The following DCLK1 variants were observed in gnomAD, a reference collection of about 807,000 sequenced individuals.
DCLK1 encodes serine/threonine-protein kinase DCLK1.
In DCLK1, 16 loss-of-function variants were observed where a neutral mutation model predicts 86.2. That is an observed-to-expected ratio of 0.19 (90% CI 0.13 to 0.28). The LOEUF (loss-of-function observed/expected upper bound fraction) is 0.28, where lower values mean the gene tolerates loss of function less well. Among genes scored for constraint, DCLK1 ranks in the 10% least tolerant of loss-of-function variants. DCLK1 has a pLI of 1.00. For missense variants in DCLK1, 590 were observed against 940.2 expected, an observed-to-expected ratio of 0.63 and a Z score of 4.87; for synonymous variants, 369 against 370.5, an observed-to-expected ratio of 1.00 and a Z score of 0.05.
chr13:36,077,166 G>T (rs1411166228), intron 3 of DCLK1, among the ~76,000 whole-genome samples: 1 of 152,106 alleles, frequency 6.6e-6, no homozygotes, highest in South Asian at 2.1e-4. Context: ...TTTTACAAAT[G>T]GATACACCAA....
chr13:35,849,434 C>G, intron 6 of DCLK1: 1 of 985,088 alleles, frequency 1.0e-6, no homozygotes, highest in Non-Finnish European at 1.2e-6. Flanking sequence ...ATATGTCAAG[C>G]CTGGAGAATA....
At chr13:36,024,084 C>T (rs1046584171) in intron 3 of DCLK1, among the ~76,000 whole-genome samples, 2 of 151,352 alleles carry the variant, frequency 1.3e-5, no homozygotes, top group African/African-American at 4.9e-5. Context: ...TTAGTAGAGG[C>T]GGGGTTTCAC....
At chr13:35,864,409 C>CA (rs1440344344) in intron 5 of DCLK1, among the ~76,000 whole-genome samples, 1 of 120,250 alleles carries the variant, frequency 8.3e-6, no homozygotes, top group East Asian at 2.3e-4. Context: ...ACTAAAAATA[C>CA]AAAAAATTAG....
chr13:35,914,290 G>C (rs1002627749), intron 4 of DCLK1, among the ~76,000 whole-genome samples: 1 of 145,028 alleles, frequency 6.9e-6, no homozygotes, highest in Non-Finnish European at 1.5e-5. Flanking sequence ...CTGCACTCCA[G>C]CCTGGGCAAC....
intron 3 of DCLK1, among the ~76,000 whole-genome samples, chr13:36,074,706 G>A (rs1884120032): frequency 6.6e-6 from 1 of 152,160 alleles, no homozygotes; most frequent in Non-Finnish European, 1.5e-5. Flanking sequence ...ATAAAGATCA[G>A]GAAGAGCCAT....
chr13:36,029,279 CA>C (rs1190993332), intron 3 of DCLK1, among the ~76,000 whole-genome samples: 5 of 152,154 alleles, frequency 3.3e-5, no homozygotes, highest in African/African-American at 1.2e-4. Context: ...CTCACGGCAC[CA>C]TATACATTTG....
intron 3 of DCLK1, among the ~76,000 whole-genome samples, chr13:35,966,897 C>T (rs1250636783): frequency 8.5e-5 from 13 of 152,092 alleles, no homozygotes; most frequent in East Asian, 3.9e-4. Flanking sequence ...CCCAAAGTGC[C>T]GAGATTGCAG....
chr13:35,785,259 G>A (rs1462442301), intron 16 of DCLK1, among the ~76,000 whole-genome samples: 1 of 152,226 alleles, frequency 6.6e-6, no homozygotes, highest in Non-Finnish European at 1.5e-5. Context: ...CATGGTGACA[G>A]CTTCACTTGG....
chr13:36,104,103 G>A (rs1842990298), intron 3 of DCLK1, among the ~76,000 whole-genome samples: 1 of 152,214 alleles, frequency 6.6e-6, no homozygotes, highest in African/African-American at 2.4e-5. Flanking sequence ...ATGGTGCGGT[G>A]TGCATGGTAA....
chr13:36,024,042 C>T (rs936788133), intron 3 of DCLK1, among the ~76,000 whole-genome samples: 2 of 151,634 alleles, frequency 1.3e-5, no homozygotes, highest in African/African-American at 4.8e-5. Context: ...ATTACAGGCA[C>T]CCACTATCAC....
intron 4 of DCLK1, among the ~76,000 whole-genome samples, chr13:35,884,959 T>C (rs745632478): frequency 6.6e-6 from 1 of 152,168 alleles, no homozygotes; most frequent in Non-Finnish European, 1.5e-5. Context: ...GCTAGGGACA[T>C]TCTCTAGCAC....
At chr13:36,002,150 A>G (rs1320826288) in intron 3 of DCLK1, among the ~76,000 whole-genome samples, 1 of 152,194 alleles carries the variant, frequency 6.6e-6, no homozygotes, top group Admixed American at 6.5e-5. Context: ...GCAAGAATTG[A>G]AGCCTATATA....
In DCLK1 at chr13:35,839,113, C is replaced by T. The variant is rs1320275524; in HGVS notation, c.1099G>A (p.Glu367Lys). 1.2e-6 allele frequency: 2 copies of T among 1,600,182 alleles called. No homozygotes were observed. Among genetic ancestry groups the T allele is most frequent in the Admixed American group, 1.7e-5 (1 of 57,992 alleles). The change falls in exon 7 of 17, where the codon GAG (glutamate) becomes AAG (lysine). Residue 367 changes from glutamate (E) to lysine (K), a missense_variant. By Grantham distance (56) the Glu-to-Lys change is moderately conservative (BLOSUM62 1). Coordinates refer to ENST00000360631, the MANE Select transcript of DCLK1 (RefSeq NM_001330071.2). ...ASTKVCSSMD[E>K]NDGPGEEVSE... ...TCACCTTCTCCAGGGCCATCGTTCTCATCCATCGAGCTGCAGACTTTGGTG... is the reference window on the plus strand; with the variant it reads ...TCACCTTCTCCAGGGCCATCGTTCTTATCCATCGAGCTGCAGACTTTGGTG...
At chr13:36,067,393 C>T (rs1883795798) in intron 3 of DCLK1, among the ~76,000 whole-genome samples, 1 of 132,096 alleles carries the variant, frequency 7.6e-6, no homozygotes, top group Non-Finnish European at 1.6e-5. Flanking sequence ...GAACATCACA[C>T]CCTGGGGACT....
chr13:35,909,597 ATGTGTGTGTGTGTGTGTGTGTGTGTGTG>A (rs57044533), intron 4 of DCLK1, among the ~76,000 whole-genome samples: 21 of 146,240 alleles, frequency 1.4e-4, no homozygotes, highest in Admixed American at 9.5e-4. Flanking sequence ...CTGTGTGCAT[ATGTGTGTGTGTGTGTGTGTGTGTGTGTG>A]TGTGTGTGTG....
At chr13:35,847,651 G>GAA (rs1410792636) in intron 6 of DCLK1, 1 of 602,118 alleles carries the variant, frequency 1.7e-6, no homozygotes, top group South Asian at 7.1e-5. Context: ...AAGAAAGAAA[G>GAA]AAAGAAAAAG....
At chr13:35,840,111 G>A (rs1195743333) in intron 6 of DCLK1, among the ~76,000 whole-genome samples, 1 of 152,184 alleles carries the variant, frequency 6.6e-6, no homozygotes, top group Non-Finnish European at 1.5e-5. Flanking sequence ...CCGGCTGTCT[G>A]TGGAGCAGAG....
At chr13:35,904,539 C>T (rs145921932) in intron 4 of DCLK1, among the ~76,000 whole-genome samples, 2,155 of 152,274 alleles carry the variant, frequency 0.014, 21 homozygotes, top group South Asian at 0.03. Flanking sequence ...CTTTATCAAA[C>T]ATTGCACTTG....
At chr13:35,790,373 T>G (rs1274621299) in intron 16 of DCLK1, among the ~76,000 whole-genome samples, 3 of 152,104 alleles carry the variant, frequency 2.0e-5, no homozygotes, top group Admixed American at 6.6e-5. Flanking sequence ...GGTAGTTAGG[T>G]TTCTAACTAA....
Sources: gnomAD v4.1 joint callset for allele counts (sites outside exome capture counted in the v4.1 genomes callset) on GRCh38, gnomAD v4.1.1 for gene constraint, MANE v1.5 for transcripts, NCBI Gene and HGNC (gene_info 2026-07-23, HGNC 2026-07-21) for gene names.